C1QTNF3: variants seen among roughly 807,000 people sequenced by gnomAD.
C1QTNF3 encodes the protein C1q and TNF related 3.
Under a neutral mutation model 32.6 loss-of-function variants are expected in C1QTNF3, and 26 were observed. That is an observed-to-expected ratio of 0.80 (90% CI 0.58 to 1.11). The LOEUF (loss-of-function observed/expected upper bound fraction) is 1.11. Among genes scored for constraint, C1QTNF3 ranks in the 50% least tolerant of loss-of-function variants. C1QTNF3 has a pLI of 0.00. For synonymous variants in C1QTNF3, 155 were observed against 146.0 expected (o/e 1.06, Z -0.44); for missense variants, 362 against 398.2 (o/e 0.91, Z 0.77).
At chr5:34,213,817 T>A in the C1QTNF3 span, among the ~76,000 whole-genome samples, 3 of 4,890 alleles carry the variant, frequency 6.1e-4, no homozygotes, top group Non-Finnish European at 1.6e-3. Context: ...ATATTTTTTT[T>A]TTTTTGTGTG....
At chr5:34,227,137 T>TA in the C1QTNF3 span, among the ~76,000 whole-genome samples, 51 of 149,514 alleles carry the variant, frequency 3.4e-4, no homozygotes, top group African/African-American at 1.2e-3. Flanking sequence ...GAACACTTTT[T>TA]ACTGTGTTAA....
chr5:34,213,618 C>T, the C1QTNF3 span, among the ~76,000 whole-genome samples: 2 of 148,566 alleles, frequency 1.3e-5, no homozygotes, highest in South Asian at 2.1e-4. Context: ...TAGAATCAAA[C>T]CATATGTGTG....
intron 1 of C1QTNF3, among the ~76,000 whole-genome samples, chr5:34,040,165 T>C (rs1754832750): frequency 6.6e-6 from 1 of 152,204 alleles, no homozygotes; most frequent in African/African-American, 2.4e-5. Context: ...TACATGTAGG[T>C]AGTTGCTATT....
the C1QTNF3 span, among the ~76,000 whole-genome samples, chr5:34,078,580 G>A: frequency 2.0e-5 from 3 of 151,390 alleles, no homozygotes; most frequent in Admixed American, 1.3e-4. The surrounding 1 kb of genome is among the most constrained non-coding windows in gnomAD (Gnocchi z 4.0). Context: ...TCACCTCCCA[G>A]CAGGTTTCTC....
the C1QTNF3 span, among the ~76,000 whole-genome samples, chr5:34,244,020 G>C: frequency 1.3e-5 from 2 of 152,066 alleles, no homozygotes; most frequent in East Asian, 3.9e-4. Flanking sequence ...TTTTTTAAGG[G>C]GGAAGGCATT....
chr5:34,069,615 G>A, the C1QTNF3 span, among the ~76,000 whole-genome samples: 1 of 152,142 alleles, frequency 6.6e-6, no homozygotes, highest in East Asian at 1.9e-4. Flanking sequence ...ATTATTAAAT[G>A]AGAAACATTC....
the C1QTNF3 span, among the ~76,000 whole-genome samples, chr5:34,213,758 TACACAC>T: frequency 3.6e-5 from 4 of 111,922 alleles, no homozygotes; most frequent in Non-Finnish European, 5.9e-5. Context: ...TATATATATA[TACACAC>T]ACACACATAC....
At chr5:34,116,574 T>C in the C1QTNF3 span, among the ~76,000 whole-genome samples, 1 of 132,894 alleles carries the variant, frequency 7.5e-6, no homozygotes, top group Non-Finnish European at 1.6e-5. Context: ...TCCCTCCTTC[T>C]ATCTAGCAAC....
the C1QTNF3 span, chr5:34,175,750 G>T: frequency 1.5e-6 from 1 of 647,718 alleles, no homozygotes; most frequent in Admixed American, 2.4e-5. Context: ...CAGCCAAAAT[G>T]TCCAGAATGG....
the C1QTNF3 span, among the ~76,000 whole-genome samples, chr5:34,057,607 C>T: frequency 6.6e-6 from 1 of 152,146 alleles, no homozygotes; most frequent in Non-Finnish European, 1.5e-5. Flanking sequence ...AAATATGGAC[C>T]TTTCAACCGT....
the C1QTNF3 span, chr5:34,169,287 T>C: frequency 6.6e-6 from 1 of 152,132 alleles, no homozygotes; most frequent in East Asian, 1.9e-4. Context: ...CAGCATTTTA[T>C]AGGTTAGTCT....
chr5:34,114,711 A>G, the C1QTNF3 span, among the ~76,000 whole-genome samples: 5 of 152,154 alleles, frequency 3.3e-5, no homozygotes, highest in African/African-American at 1.2e-4. Flanking sequence ...TTTAATATGT[A>G]CACTTGACTA....
At chr5:34,239,780 T>C in the C1QTNF3 span, among the ~76,000 whole-genome samples, 4 of 151,918 alleles carry the variant, frequency 2.6e-5, no homozygotes, top group South Asian at 2.1e-4. Flanking sequence ...ACTTGACCAT[T>C]TGGACCTAAT....
At chr5:34,042,771 A>T in intron 1 of C1QTNF3, 52 bp downstream of exon 1, 1 of 1,525,320 alleles carries the variant, frequency 6.6e-7, no homozygotes, top group East Asian at 2.3e-5. Flanking sequence ...AAACAACAAC[A>T]ACAACACTCA....
rs369172574 is a variant in C1QTNF3, at chr5:34,027,187, G to T, written c.700+1567C>A. On this transcript the variant is annotated intron_variant, in intron 4 of 5. Coordinates refer to ENST00000382065, the MANE Select transcript of C1QTNF3 (RefSeq NM_181435.6). ...TTCAAAGTAAAAAGTTTGTAAAGTGGGATTTTCTATTTATCAACTATCCAG... is the reference window on the plus strand; with the variant it reads ...TTCAAAGTAAAAAGTTTGTAAAGTGTGATTTTCTATTTATCAACTATCCAG... Among the ~76,000 whole-genome samples the T allele has an allele frequency of 1.2e-4, 18 of 152,148 alleles. No individual in the cohort carries two copies. In the East Asian group the frequency reaches 1.7e-3, roughly 15 times the overall value.
chr5:34,054,586 C>T, the C1QTNF3 span, among the ~76,000 whole-genome samples: 13 of 152,324 alleles, frequency 8.5e-5, 1 homozygote, highest in East Asian at 2.5e-3. Flanking sequence ...TTGCAGACCA[C>T]TGGTCTATTC....
the C1QTNF3 span, among the ~76,000 whole-genome samples, chr5:34,216,914 A>C: frequency 6.6e-6 from 1 of 152,194 alleles, no homozygotes. Flanking sequence ...AACATTGGGG[A>C]TAAGAAAAAT....
At chr5:34,057,483 A>G in the C1QTNF3 span, among the ~76,000 whole-genome samples, 3 of 152,224 alleles carry the variant, frequency 2.0e-5, no homozygotes, top group Non-Finnish European at 4.4e-5. Context: ...GACATTCATC[A>G]TCCCACATGC....
chr5:34,022,030 A>G (rs2112094762), intron 5 of C1QTNF3, among the ~76,000 whole-genome samples: 1 of 152,360 alleles, frequency 6.6e-6, no homozygotes, highest in Middle Eastern at 3.4e-3. Context: ...CGATTGCTTT[A>G]GAAGGCCTCA....
Sources: allele counts gnomAD v4.1 joint callset (sites outside exome capture counted in the v4.1 genomes callset), GRCh38; gene constraint gnomAD v4.1.1; non-coding constraint Gnocchi (gnomAD v3.1); transcripts MANE v1.5; gene names NCBI Gene and HGNC (gene_info 2026-07-23, HGNC 2026-07-21).